The following ELF5 variants were observed in gnomAD, a reference collection of about 807,000 sequenced individuals.
The protein encoded by ELF5 is ETS-related transcription factor Elf-5.
In ELF5, 31 loss-of-function variants were observed where a neutral mutation model predicts 38.2. That is an observed-to-expected ratio of 0.81 (90% CI 0.61 to 1.10). The LOEUF is 1.10. ELF5 is among the 50% of genes least tolerant of loss of function. The pLI, the probability that ELF5 is intolerant of heterozygous loss-of-function variation, is 0.00. For synonymous variants in ELF5, 121 were observed against 112.5 expected, an observed-to-expected ratio of 1.08 and a Z score of -0.48; for missense variants, 300 against 306.6, an observed-to-expected ratio of 0.98 and a Z score of 0.16.
At chr11:34,484,318 C>A (rs1011231361) in intron 4 of ELF5, among the ~76,000 whole-genome samples, 25 of 151,432 alleles carry the variant, frequency 1.7e-4, no homozygotes, top group Non-Finnish European at 4.4e-5. Context: ...CTATACTGTA[C>A]CATATATTGT....
intron 4 of ELF5, among the ~76,000 whole-genome samples, chr11:34,486,721 C>T (rs1185056398): frequency 6.6e-6 from 1 of 152,210 alleles, no homozygotes; most frequent in East Asian, 1.9e-4. Context: ...ATAACACTCC[C>T]TAATGGAGCT....
intron 4 of ELF5, among the ~76,000 whole-genome samples, chr11:34,487,999 C>A (rs1473190130): frequency 3.3e-5 from 5 of 151,982 alleles, no homozygotes; most frequent in Non-Finnish European, 7.4e-5. Flanking sequence ...TGCTTGGAAC[C>A]TTTTCTTCTC....
At chr11:34,505,897 T>C in intron 1 of ELF5, 144 bp from the exon 2 acceptor site, 1 of 988,300 alleles carries the variant, frequency 1.0e-6, no homozygotes, top group Non-Finnish European at 1.4e-6. Context: ...CCGCCTAGTG[T>C]CACCTACGAG....
chr11:34,490,052 G>A lies in ELF5; in HGVS notation c.363C>T (p.Ser121=). The A allele has an allele frequency of 1.2e-6, 2 of 1,613,904 alleles. No homozygotes were observed. Among genetic ancestry groups the A allele is most frequent in the Non-Finnish European group, 1.7e-6 (2 of 1,179,894 alleles). ...TGCTTTCTTCAGCGTCATTAAAAAA[G>A]GAGTAACCTGGGAAAGAAAAAGAAA... The part of the protein sequence containing the change: ...ILQNIRTQGY[S]FFNDAEESKA... The change falls in exon 4 of 7, where the codon TCC becomes TCT. Residue 121 remains serine, a synonymous_variant. Transcript: ENST00000257832.
chr11:34,488,055 T>A (rs2133877760), intron 4 of ELF5, among the ~76,000 whole-genome samples: 1 of 152,242 alleles, frequency 6.6e-6, no homozygotes, highest in Non-Finnish European at 1.5e-5. Flanking sequence ...TTCAACTATC[T>A]CTTCCTCCAA....
intron 4 of ELF5, among the ~76,000 whole-genome samples, chr11:34,486,015 A>T (rs1051982482): frequency 3.9e-5 from 6 of 152,044 alleles, no homozygotes; most frequent in Non-Finnish European, 8.8e-5. Context: ...GGATTTGGAG[A>T]GGCTTGGTTG....
At chr11:34,506,379 C>T (rs962640834) in intron 1 of ELF5, among the ~76,000 whole-genome samples, 1 of 152,172 alleles carries the variant, frequency 6.6e-6, no homozygotes, top group Non-Finnish European at 1.5e-5. Flanking sequence ...AAACTAACTA[C>T]TGGATACTAT....
chr11:34,487,302 G>T (rs906498398), intron 4 of ELF5, among the ~76,000 whole-genome samples: 1 of 152,152 alleles, frequency 6.6e-6, no homozygotes, highest in African/African-American at 2.4e-5. Context: ...GGAGCAGACA[G>T]GGAAGAGCCC....
chr11:34,511,741 G>T (rs1391323126), intron 1 of ELF5: 7 of 722,194 alleles, frequency 9.7e-6, no homozygotes, highest in Non-Finnish European at 1.6e-5. Context: ...CATGGCCTGA[G>T]CAACCCGGCA....
intron 3 of ELF5, among the ~76,000 whole-genome samples, chr11:34,490,446 A>G (rs911117337): frequency 6.6e-6 from 1 of 152,156 alleles, no homozygotes; most frequent in Non-Finnish European, 1.5e-5. Context: ...TCTCATTGAC[A>G]TCACGAGATA....
Position 34,490,040 on chromosome 11 carries a change from G to A in ELF5, c.375C>T (p.Asp125=), listed in dbSNP as rs145030473. The change falls in exon 4 of 7, where the codon GAC becomes GAT. Residue 125 remains aspartate (D), a synonymous_variant. Coordinates refer to ENST00000257832, the MANE Select transcript of ELF5 (RefSeq NM_001422.4). ...IRTQGYSFFN[D]AEESKATIKD... is the part of the protein sequence containing the mutation. ...TGATGGTGGCCTTGCTTTCTTCAGCGTCATTAAAAAAGGAGTAACCTGGGA... is the reference window on the plus strand; with the variant it reads ...TGATGGTGGCCTTGCTTTCTTCAGCATCATTAAAAAAGGAGTAACCTGGGA... 87 of 1,613,918 alleles carry A rather than the reference G, an allele frequency of 5.4e-5. No individual in the cohort carries two copies. Among genetic ancestry groups the A allele is most frequent in the Admixed American group, 1.5e-4 (9 of 60,010 alleles).
intron 2 of ELF5, among the ~76,000 whole-genome samples, chr11:34,494,302 A>G (rs1047341388): frequency 2.6e-5 from 4 of 152,170 alleles, no homozygotes; most frequent in African/African-American, 9.7e-5. Context: ...TTGATTCCCT[A>G]TGCTTTAAAG....
chr11:34,487,431 C>T (rs911697016), intron 4 of ELF5, among the ~76,000 whole-genome samples: 2 of 152,188 alleles, frequency 1.3e-5, no homozygotes, highest in African/African-American at 4.8e-5. Context: ...TCTTCCCCAT[C>T]GCTGGGTCCA....
intron 1 of ELF5, among the ~76,000 whole-genome samples, 155 bp downstream of exon 1, chr11:34,513,522 C>T (rs1244031569): frequency 6.6e-6 from 1 of 152,264 alleles, no homozygotes; most frequent in South Asian, 2.1e-4. Flanking sequence ...CCGTCACATC[C>T]GTGTCAAACA....
intron 2 of ELF5, among the ~76,000 whole-genome samples, chr11:34,495,055 A>G (rs1422995487): frequency 2.0e-5 from 3 of 152,168 alleles, no homozygotes; most frequent in African/African-American, 7.2e-5. Flanking sequence ...GTCATGAAGG[A>G]CTTTCCCAAG....
chr11:34,488,639 C>G (rs898701109), intron 4 of ELF5, among the ~76,000 whole-genome samples: 1 of 152,194 alleles, frequency 6.6e-6, no homozygotes, highest in African/African-American at 2.4e-5. Context: ...TCAGGTTACA[C>G]CTACTTCAAA....
At chr11:34,504,168 A>T (rs1590340355) in intron 2 of ELF5, among the ~76,000 whole-genome samples, 1 of 152,194 alleles carries the variant, frequency 6.6e-6, no homozygotes, top group East Asian at 1.9e-4. Context: ...GGGCCCCACC[A>T]CTGTGGGAAA....
At chr11:34,487,622 G>T (rs1850035961) in intron 4 of ELF5, among the ~76,000 whole-genome samples, 1 of 152,166 alleles carries the variant, frequency 6.6e-6, no homozygotes, top group African/African-American at 2.4e-5. Flanking sequence ...TGCCCACAAA[G>T]TGGTGAGTGA....
At chr11:34,501,909 AT>A (rs959315771) in intron 2 of ELF5, among the ~76,000 whole-genome samples, 3 of 151,038 alleles carry the variant, frequency 2.0e-5, no homozygotes, top group Non-Finnish European at 4.4e-5. Flanking sequence ...AAGGCACATC[AT>A]TTTTTTTTCT....
Sources: gnomAD v4.1 joint callset for allele counts (sites outside exome capture counted in the v4.1 genomes callset) on GRCh38, gnomAD v4.1.1 for gene constraint, MANE v1.5 for transcripts, NCBI Gene and HGNC (gene_info 2026-07-23, HGNC 2026-07-21) for gene names.